Variants in ARSB observed in about 807,000 individuals in gnomAD.
The protein encoded by ARSB is arylsulfatase B.
Under a neutral mutation model 50.9 loss-of-function variants are expected in ARSB, and 41 were observed. The observed-to-expected ratio is 0.81, with a 90% CI of 0.63 to 1.04. The LOEUF (loss-of-function observed/expected upper bound fraction) is 1.04, where lower values mean the gene tolerates loss of function less well. Among genes scored for constraint, ARSB ranks in the 50% least tolerant of loss-of-function variants. The probability of loss-of-function intolerance (pLI) is 0.00; values close to 1 mark genes in which losing one functional copy is unlikely to be tolerated. For missense variants in ARSB, 672 were observed against 693.3 expected, an observed-to-expected ratio of 0.97 and a Z score of 0.35; for synonymous variants, 269 against 284.8, an observed-to-expected ratio of 0.94 and a Z score of 0.56.
At chr5:78,832,287 G>A (rs1367100703) in intron 6 of ARSB, among the ~76,000 whole-genome samples, 2 of 152,144 alleles carry the variant, frequency 1.3e-5, no homozygotes, top group Non-Finnish European at 2.9e-5. Flanking sequence ...GGTGCTGAAT[G>A]GTGGGCGTTG....
intron 6 of ARSB, among the ~76,000 whole-genome samples, chr5:78,831,545 T>G (rs1744686016): frequency 6.6e-6 from 1 of 152,118 alleles, no homozygotes; most frequent in African/African-American, 2.4e-5. Context: ...TGATCGTAAC[T>G]CATATCTGGG....
chr5:78,923,727 T>C (rs1363837926), intron 4 of ARSB, among the ~76,000 whole-genome samples: 2 of 152,250 alleles, frequency 1.3e-5, no homozygotes, highest in Non-Finnish European at 2.9e-5. Flanking sequence ...CAATTGGCTA[T>C]TGAGTCATTA....
At position 78,956,160 on chromosome 5, in the gene ARSB, G is replaced by T. The variant is rs7733057; in HGVS notation, c.691-658C>A. ...ATTGATGAATGGATAAACAAAATAT[G>T]GTATATTTTCAGCAACATATGGCAA... On this transcript the variant is annotated intron_variant, in intron 3 of 7. Coordinates refer to ENST00000264914, the MANE Select transcript of ARSB (RefSeq NM_000046.5). 1.4e-3 allele frequency among the ~76,000 whole-genome samples: 209 copies of T among 152,038 alleles called. 1 individual carries two copies. The highest frequency in any genetic ancestry group is 4.9e-3 in the African/African-American group (203 of 41,482).
chr5:78,979,849 A>G (rs1752822960), intron 1 of ARSB, among the ~76,000 whole-genome samples: 1 of 152,208 alleles, frequency 6.6e-6, no homozygotes, highest in Admixed American at 6.5e-5. Flanking sequence ...TTGTACATGG[A>G]TGTTCACAGC....
chr5:78,827,445 A>G (rs1055134729), intron 6 of ARSB, among the ~76,000 whole-genome samples: 11 of 152,094 alleles, frequency 7.2e-5, no homozygotes, highest in Non-Finnish European at 1.5e-4. Context: ...TCCTGGCCTC[A>G]TGCAATCCAC....
chr5:78,852,550 T>C (rs1460722423), intron 5 of ARSB, among the ~76,000 whole-genome samples: 1 of 152,162 alleles, frequency 6.6e-6, no homozygotes, highest in Non-Finnish European at 1.5e-5. Context: ...GTTGCTCTTC[T>C]CGAGGAGTAT....
intron 5 of ARSB, among the ~76,000 whole-genome samples, chr5:78,869,958 A>G (rs1261660260): frequency 1.2e-4 from 18 of 150,930 alleles, no homozygotes; most frequent in East Asian, 3.9e-4. Flanking sequence ...TCAAATAGAC[A>G]CAATAAAAAA....
At chr5:78,850,923 T>C (rs1206977501) in intron 5 of ARSB, among the ~76,000 whole-genome samples, 1 of 152,236 alleles carries the variant, frequency 6.6e-6, no homozygotes, top group African/African-American at 2.4e-5. Context: ...TATCATTTTT[T>C]ATTGCGTCTA....
chr5:78,846,062 G>A (rs1295271047), intron 5 of ARSB, among the ~76,000 whole-genome samples: 1 of 152,062 alleles, frequency 6.6e-6, no homozygotes, highest in Non-Finnish European at 1.5e-5. Flanking sequence ...TTTTATATAT[G>A]GTGAGAGATA....
chr5:78,889,776 A>C (rs1412355206), intron 4 of ARSB, among the ~76,000 whole-genome samples: 1 of 152,206 alleles, frequency 6.6e-6, no homozygotes, highest in Non-Finnish European at 1.5e-5. Flanking sequence ...CAACAGCATT[A>C]ATTTTTAGAA....
At chr5:78,848,441 C>T (rs920095977) in intron 5 of ARSB, among the ~76,000 whole-genome samples, 4 of 150,590 alleles carry the variant, frequency 2.7e-5, no homozygotes, top group Admixed American at 2.6e-4. Context: ...ATATGTGCCA[C>T]ATTTTCTTAA....
chr5:78,830,124 A>G (rs564499980), intron 6 of ARSB, among the ~76,000 whole-genome samples: 3 of 152,360 alleles, frequency 2.0e-5, no homozygotes, highest in Middle Eastern at 3.4e-3. Flanking sequence ...TTAACAGGCT[A>G]CACTTGGAAG....
At chr5:78,840,072 T>C (rs1745132515) in intron 5 of ARSB, among the ~76,000 whole-genome samples, 2 of 152,218 alleles carry the variant, frequency 1.3e-5, no homozygotes, top group Admixed American at 6.5e-5. Context: ...CATAGTAAGT[T>C]ATTGGTAGAA....
chr5:78,846,768 T>G (rs1308542784), intron 5 of ARSB, among the ~76,000 whole-genome samples: 1 of 152,232 alleles, frequency 6.6e-6, no homozygotes, highest in Non-Finnish European at 1.5e-5. Flanking sequence ...TTGCTCTGGC[T>G]AGGACTTCCA....
chr5:78,850,666 T>A (rs1464348120), intron 5 of ARSB, among the ~76,000 whole-genome samples: 1 of 152,206 alleles, frequency 6.6e-6, no homozygotes, highest in Non-Finnish European at 1.5e-5. Flanking sequence ...CTGGTAGAAT[T>A]TGGTTGTGAA....
chr5:78,862,019 C>T (rs1209140518), intron 5 of ARSB, among the ~76,000 whole-genome samples: 3 of 152,142 alleles, frequency 2.0e-5, no homozygotes. Flanking sequence ...TTCACAATTG[C>T]TTCAAAGAGA....
chr5:78,907,627 T>C (rs777548039), intron 4 of ARSB, among the ~76,000 whole-genome samples: 1 of 152,234 alleles, frequency 6.6e-6, no homozygotes, highest in African/African-American at 2.4e-5. Context: ...GTATCTATTA[T>C]ATTTTTTAAA....
chr5:78,809,095 A>G (rs1015243242), intron 6 of ARSB, among the ~76,000 whole-genome samples: 2 of 152,256 alleles, frequency 1.3e-5, no homozygotes, highest in African/African-American at 4.8e-5. Flanking sequence ...ACAGATGTCC[A>G]GGTCCCTGTC....
upstream of ARSB, chr5:78,985,538 T>G: frequency 4.1e-6 from 1 of 246,440 alleles, no homozygotes; most frequent in Non-Finnish European, 7.7e-6. Context: ...TCCCCGGCAA[T>G]TAAATTTGCA....
Sources: gnomAD v4.1 joint callset for allele counts (sites outside exome capture counted in the v4.1 genomes callset) on GRCh38, gnomAD v4.1.1 for gene constraint, MANE v1.5 for transcripts, NCBI Gene and HGNC (gene_info 2026-07-23, HGNC 2026-07-21) for gene names.